CASZ1: variants seen among roughly 807,000 people sequenced by gnomAD.
The protein encoded by CASZ1 is zinc finger protein castor homolog 1.
Under a neutral mutation model 135.2 loss-of-function variants are expected in CASZ1, and 28 were observed. The ratio of observed to expected loss-of-function variants is 0.21; its 90% CI spans 0.15 to 0.28. The LOEUF (loss-of-function observed/expected upper bound fraction) is 0.28. Ranked by LOEUF, CASZ1 falls within the 10% of genes least tolerant of loss-of-function variation. The pLI is 1.00. For synonymous variants in CASZ1, 1,068 were observed against 1,073.4 expected (o/e 0.99, Z 0.10); for missense variants, 2,161 against 2,453.3 (o/e 0.88, Z 2.52).
At chr1:10,761,316 C>T (rs772168690) in intron 1 of CASZ1, among the ~76,000 whole-genome samples, 42 of 152,364 alleles carry the variant, frequency 2.8e-4, no homozygotes, top group Non-Finnish European at 4.6e-4. Context: ...TTCCCTGCGC[C>T]AGCTCCCAGC....
At chr1:10,782,672 T>C (rs1298859045) in intron 1 of CASZ1, among the ~76,000 whole-genome samples, 2 of 152,026 alleles carry the variant, frequency 1.3e-5, no homozygotes, top group African/African-American at 4.8e-5. Flanking sequence ...GAGTAAAATG[T>C]ACAGCTGGGT....
intron 11 of CASZ1, chr1:10,653,171 C>T (rs1403588663): frequency 3.1e-6 from 2 of 642,694 alleles, no homozygotes; most frequent in African/African-American, 3.6e-5. Flanking sequence ...AGCATGGCCC[C>T]CCTACTGTGG....
intron 2 of CASZ1, among the ~76,000 whole-genome samples, chr1:10,754,166 G>A (rs1235465863): frequency 1.3e-5 from 2 of 152,134 alleles, no homozygotes; most frequent in Non-Finnish European, 2.9e-5. Context: ...TTCCCTGGGA[G>A]CCACATCTAA....
intron 1 of CASZ1, among the ~76,000 whole-genome samples, chr1:10,768,523 T>G (rs764058545): frequency 1.3e-5 from 2 of 152,142 alleles, no homozygotes; most frequent in Non-Finnish European, 2.9e-5. Flanking sequence ...TGGCCTATTG[T>G]TCATTTTTAC....
At chr1:10,715,011 A>G (rs909579315) in intron 2 of CASZ1, among the ~76,000 whole-genome samples, 30 of 152,208 alleles carry the variant, frequency 2.0e-4, no homozygotes, top group African/African-American at 7.2e-4. Flanking sequence ...ACCTTGGTCC[A>G]GGTTCCCTTC....
rs1206026680 is a variant in CASZ1 at position 10,709,746 on chromosome 1, G to A, written c.-76-4202C>T. On this transcript the variant is annotated intron_variant, in intron 2 of 20. Coordinates refer to ENST00000377022, the MANE Select transcript of CASZ1 (RefSeq NM_001079843.3). This position sits in a 1 kb window ranked among gnomAD's most constrained non-coding sequence, Gnocchi z 5.1. ...GCTGAGCAGTGCCCCGGGCAGTGCC[G>A]CAGGGGGATGCGCACCAGGGGGATC... Among the ~76,000 whole-genome samples, 8 of 152,282 alleles carry A rather than the reference G, an allele frequency of 5.3e-5. No individual in the cohort carries two copies. Among genetic ancestry groups the A allele is most frequent in the South Asian group, 2.1e-4 (1 of 4,822 alleles).
In CASZ1 at chr1:10,666,806, C is replaced by G. The variant is rs1172423363; in HGVS notation, c.17-1235G>C. On this transcript the variant is annotated intron_variant, in intron 4 of 20. Transcript: ENST00000377022. The surrounding 1 kb of genome is among the most constrained non-coding windows in gnomAD (Gnocchi z 5.2). ...GTGGACACACACACACGCACACACA[C>G]GCGTGCACACACAGCGCAGCCACAT... Among the ~76,000 whole-genome samples the G allele has an allele frequency of 6.6e-6, 1 of 152,370 alleles. No homozygotes were observed. Among genetic ancestry groups the G allele is most frequent in the Admixed American group, 6.5e-5 (1 of 15,312 alleles).
intron 4 of CASZ1, among the ~76,000 whole-genome samples, chr1:10,670,942 G>A (rs1301106339): frequency 1.3e-5 from 2 of 152,156 alleles, no homozygotes; most frequent in African/African-American, 4.8e-5. Context: ...TCTAAGTTCT[G>A]TGGGAGGAAT....
intron 7 of CASZ1, chr1:10,658,282 G>T (rs1427083904): frequency 1.9e-6 from 1 of 537,090 alleles, no homozygotes; most frequent in Non-Finnish European, 3.4e-6. Context: ...TGGGGGCACA[G>T]GCTGCTGAGG....
intron 2 of CASZ1, among the ~76,000 whole-genome samples, chr1:10,750,310 C>T (rs1640126807): frequency 6.6e-6 from 1 of 152,144 alleles, no homozygotes; most frequent in Admixed American, 6.5e-5. Context: ...GGGTCTTGCC[C>T]TGCTGCCAAG....
In CASZ1 at chr1:10,788,810, T is replaced by C. The variant is rs892443585; in HGVS notation, c.-234+7754A>G. 2.6e-5 allele frequency among the ~76,000 whole-genome samples: 4 copies of C among 152,184 alleles called. No individual in the cohort carries two copies. Among genetic ancestry groups the C allele is most frequent in the Admixed American group, 2.6e-4 (4 of 15,294 alleles). On this transcript the variant is annotated intron_variant, in intron 1 of 20. Transcript: ENST00000377022. This position sits in a 1 kb window ranked among gnomAD's most constrained non-coding sequence, Gnocchi z 4.1. ...TGCCCTGGGCCAGCGCCCTCCCTCC[T>C]GTGTGCCAGGGCTTCCTGCCCAGCC... is the stretch of plus-strand genomic sequence containing the variant.
rs867968340 is a variant in CASZ1 at position 10,639,329 on chromosome 1, G to A, written c.4893C>T (p.Phe1631=). 2 of 1,483,814 alleles carry A rather than the reference G, an allele frequency of 1.3e-6. No homozygotes were observed. The highest frequency in any genetic ancestry group is 1.8e-6 in the Non-Finnish European group (2 of 1,125,214). The allele number at this position is 1,483,814 out of a possible 1,614,324, so 91.9% of individuals were successfully genotyped here. ...SLGAEPGSLL[F]LQSAAAGLGL... ...CCAGGCCGGCGGCCGCCGACTGCAG[G>A]AAGAGCAGCGAGCCCGGCTCGGCGC... Residue 1631 remains phenylalanine (F), a synonymous_variant, in exon 21 of 21, where the codon TTC becomes TTT. Transcript: ENST00000377022. The surrounding 1 kb of genome is among the most constrained non-coding windows in gnomAD (Gnocchi z 4.0).
intron 4 of CASZ1, among the ~76,000 whole-genome samples, chr1:10,677,248 C>T (rs932861816): frequency 2.0e-4 from 30 of 152,086 alleles, no homozygotes; most frequent in Admixed American, 1.9e-3. Flanking sequence ...AGGAGGCAGA[C>T]GGAGTCACCC....
At position 10,709,417 on chromosome 1, in the gene CASZ1, G is replaced by A. The variant is rs904882569; in HGVS notation, c.-76-3873C>T. ...GGGCGGCATAGACAACAGGGGCAGCGTCATGGAAACGGGCACTTTCCCGGA... is the reference window on the plus strand; with the variant it reads ...GGGCGGCATAGACAACAGGGGCAGCATCATGGAAACGGGCACTTTCCCGGA... On this transcript the variant is annotated intron_variant, in intron 2 of 20. Coordinates refer to ENST00000377022, the MANE Select transcript of CASZ1 (RefSeq NM_001079843.3). The surrounding 1 kb of genome is among the most constrained non-coding windows in gnomAD (Gnocchi z 5.1). Among the ~76,000 whole-genome samples the A allele has an allele frequency of 6.6e-5, 10 of 152,188 alleles. No homozygotes were observed. The highest frequency in any genetic ancestry group is 1.9e-4 in the African/African-American group (8 of 41,446).
chr1:10,783,888 A>G (rs1041167155), intron 1 of CASZ1, among the ~76,000 whole-genome samples: 1 of 151,576 alleles, frequency 6.6e-6, no homozygotes, highest in Non-Finnish European at 1.5e-5. Context: ...AAAAAAAAAA[A>G]AAAAACCTAC....
intron 20 of CASZ1, 94 bp from the exon 21 acceptor site, chr1:10,640,153 C>A: frequency 6.7e-7 from 1 of 1,499,588 alleles, no homozygotes; most frequent in Admixed American, 2.1e-5. Flanking sequence ...TCTGGCATGG[C>A]GCCAGAGGGC....
At chr1:10,743,875 A>G (rs1478159632) in intron 2 of CASZ1, among the ~76,000 whole-genome samples, 3 of 126,448 alleles carry the variant, frequency 2.4e-5, no homozygotes, top group Admixed American at 8.8e-5. Flanking sequence ...GGAGAGAGAG[A>G]GAGGAGCGGG....
chr1:10,737,265 C>T (rs563121622), intron 2 of CASZ1, among the ~76,000 whole-genome samples: 164 of 152,300 alleles, frequency 1.1e-3, no homozygotes, highest in African/African-American at 3.7e-3. Flanking sequence ...TTTTCATTAG[C>T]GGTGGAGGCA....
chr1:10,766,063 G>A (rs1162297468), intron 1 of CASZ1, among the ~76,000 whole-genome samples: 1 of 152,224 alleles, frequency 6.6e-6, no homozygotes, highest in Non-Finnish European at 1.5e-5. Context: ...GTGAGGGGAT[G>A]TGTGGGGGTT....
Sources: gnomAD v4.1 joint callset for allele counts (sites outside exome capture counted in the v4.1 genomes callset) on GRCh38, gnomAD v4.1.1 for gene constraint, Gnocchi (gnomAD v3.1) non-coding constraint, MANE v1.5 for transcripts, NCBI Gene and HGNC (gene_info 2026-07-23, HGNC 2026-07-21) for gene names.